PRMT7: variants seen among roughly 807,000 people sequenced by gnomAD.
The protein encoded by PRMT7 is protein arginine methyltransferase 7.
A neutral mutation model predicts 85.4 loss-of-function variants in PRMT7; 75 were observed. The ratio of observed to expected loss-of-function variants is 0.88; its 90% CI spans 0.73 to 1.06. The LOEUF (loss-of-function observed/expected upper bound fraction) is 1.06, where lower values mean the gene tolerates loss of function less well. Among genes scored for constraint, PRMT7 ranks in the 50% least tolerant of loss-of-function variants. PRMT7 has a pLI of 0.00. For synonymous variants in PRMT7, 397 were observed against 359.5 expected (o/e 1.10, Z -1.18); for missense variants, 868 against 915.2 (o/e 0.95, Z 0.67).
chr16:68,356,327 C>T (rs952975858), intron 17 of PRMT7, among the ~76,000 whole-genome samples: 5 of 152,244 alleles, frequency 3.3e-5, no homozygotes, highest in African/African-American at 9.6e-5. Context: ...CCTCCCAACT[C>T]GGGGCAGGCA....
At chr16:68,352,084 A>T (rs1431181038) in intron 14 of PRMT7, 164 bp from the exon 15 acceptor site, 4 of 667,834 alleles carry the variant, frequency 6.0e-6, no homozygotes, top group East Asian at 5.7e-5. Flanking sequence ...GGAGGGACTG[A>T]TGAGGGAGGG....
intron 11 of PRMT7, 48 bp downstream of exon 11, chr16:68,346,328 G>C (rs772606638): frequency 6.2e-7 from 1 of 1,607,458 alleles, no homozygotes; most frequent in Non-Finnish European, 8.5e-7. Flanking sequence ...GGAGAAAGAA[G>C]TTTGTCCCAT....
At chr16:68,330,353 G>A (rs2083690576) in intron 6 of PRMT7, among the ~76,000 whole-genome samples, 2 of 152,086 alleles carry the variant, frequency 1.3e-5, no homozygotes, top group South Asian at 2.1e-4. Flanking sequence ...TGGAGATAGG[G>A]TCTTACTATG....
At chr16:68,353,397 G>T in intron 15 of PRMT7, 95 bp from the exon 16 acceptor site, 2 of 1,587,472 alleles carry the variant, frequency 1.3e-6, no homozygotes, top group Non-Finnish European at 8.5e-7. Context: ...TCTTTCAGGT[G>T]TGCAGGGAAC....
rs2085197591 is a variant in PRMT7 at position 68,339,486 on chromosome 16, C to T, written c.669C>T (p.Pro223=). The part of the protein sequence containing the change: ...PVDVESCPGA[P]SVCDIQLNQV... ...ACGTGGAGAGCTGCCCTGGCGCACC[C>T]TCTGTCTGTGACATTCAGCTGAACC... The change falls in exon 8 of 19, where the codon CCC becomes CCT. Residue 223 remains proline (P), a synonymous_variant. Coordinates refer to ENST00000441236, the MANE Select transcript of PRMT7 (RefSeq NM_019023.5). 3 of 1,614,072 alleles carry T rather than the reference C, an allele frequency of 1.9e-6. No individual in the cohort carries two copies. The South Asian group carries it at 3.3e-5, about 18-fold the overall frequency.
Position 68,329,057 on chromosome 16 carries a change from A to G in PRMT7, c.283-9A>G, listed in dbSNP as rs149363450. On this transcript the variant is annotated splice_polypyrimidine_tract_variant and intron_variant, in intron 5 of 18. Coordinates refer to ENST00000441236, the MANE Select transcript of PRMT7 (RefSeq NM_019023.5). ...TCATTTTTCCTTGGGTTTCGGCTCT[A>G]TTTTCTAGGTTTTCAAGCCTATGGC... 68 of 1,587,186 alleles carry G rather than the reference A, an allele frequency of 4.3e-5. No individual in the cohort carries two copies. The highest frequency in any genetic ancestry group is 5.3e-5 in the Non-Finnish European group (61 of 1,155,840).
intron 15 of PRMT7, 22 bp from the exon 16 acceptor site, chr16:68,353,470 C>T (rs1562479): frequency 0.54 from 873,704 of 1,609,200 alleles, 240,492 homozygotes; most frequent in East Asian, 0.8. Flanking sequence ...CGGGTGTGGA[C>T]GGGGCTGCTC....
intron 5 of PRMT7, among the ~76,000 whole-genome samples, chr16:68,327,579 C>T (rs1487549228): frequency 6.6e-6 from 1 of 152,076 alleles, no homozygotes; most frequent in Non-Finnish European, 1.5e-5. Flanking sequence ...GGAGGGCCTC[C>T]AAAGCAGTAG....
chr16:68,324,940 C>T (rs1233240480), intron 5 of PRMT7, 108 bp downstream of exon 5: 1 of 1,414,128 alleles, frequency 7.1e-7, no homozygotes, highest in Admixed American at 2.1e-5. Context: ...AGTGCTCACT[C>T]TGTGCCAAGC....
chr16:68,338,087 G>A (rs930104932), intron 7 of PRMT7, among the ~76,000 whole-genome samples: 63 of 152,276 alleles, frequency 4.1e-4, no homozygotes, highest in Admixed American at 2.6e-3. Context: ...AGAAGGTGGG[G>A]TGGCATCACA....
In PRMT7 at chr16:68,346,814, C is replaced by T. The variant is rs532761259; in HGVS notation, c.1192-397C>T. 4.3e-4 allele frequency among the ~76,000 whole-genome samples: 65 copies of T among 152,134 alleles called. 1 individual carries two copies. In the South Asian group the frequency reaches 0.013, roughly 30 times the overall value. ...GGAGGATCCAAGCCATCCTGAGTTT[C>T]TCTCAGAGGGGTCTGTCACCCAGAA... On this transcript the variant is annotated intron_variant, in intron 11 of 18. Transcript: ENST00000441236.
chr16:68,338,056 G>A (rs1268184188), intron 7 of PRMT7, among the ~76,000 whole-genome samples: 1 of 152,190 alleles, frequency 6.6e-6, no homozygotes, highest in African/African-American at 2.4e-5. Flanking sequence ...TGGGGGCCAT[G>A]CCCAGAGGGT....
Position 68,347,275 on chromosome 16 carries a change from A to G in PRMT7, c.1256A>G (p.His419Arg). The change falls in exon 12 of 19, where the codon CAT becomes CGT. Residue 419 changes from histidine (H) to arginine (R), a missense_variant. By Grantham distance (29) the His-to-Arg change is conservative (BLOSUM62 0). Transcript: ENST00000441236. ...GGCAGCCTGCTCTCCGTGCTGGCCC[A>G]TCACCTGGGGGTGGAGCAGGTACTG... ...SDGSLLSVLA[H>R]HLGVEQVFTV... 6.5e-7 allele frequency: 1 copy of G among 1,549,422 alleles called. No homozygotes were observed. Among genetic ancestry groups the G allele is most frequent in the Admixed American group, 2.0e-5 (1 of 50,904 alleles).
intron 16 of PRMT7, among the ~76,000 whole-genome samples, chr16:68,354,046 C>A (rs972695567): frequency 1.2e-4 from 19 of 152,148 alleles, no homozygotes; most frequent in Non-Finnish European, 2.5e-4. Context: ...AGTCGTGTTC[C>A]ATCCACATGA....
In PRMT7 at chr16:68,355,926, T is replaced by C. The variant is rs1404702916; in HGVS notation, c.1811+43T>C. 3 of 1,508,964 alleles carry C rather than the reference T, an allele frequency of 2.0e-6. No individual in the cohort carries two copies. In the South Asian group the frequency reaches 3.8e-5, roughly 19 times the overall value. The allele number at this position is 1,508,964 out of a possible 1,614,324, so 93.5% of individuals were successfully genotyped here. A position where few individuals can be genotyped will look rare whatever the true frequency, so the allele number is the denominator to read the frequency against. ...TGGGGGGCAGGGAGGGGCTGCTGCT[T>C]GCCCTTGGAGTTCTCACCCCCGTGG... is the stretch of plus-strand genomic sequence containing the variant. On this transcript the variant is annotated intron_variant, in intron 17 of 18. Transcript: ENST00000441236.
chr16:68,321,321 A>G, intron 3 of PRMT7, 105 bp from the exon 4 acceptor site: 2 of 866,690 alleles, frequency 2.3e-6, no homozygotes, highest in Non-Finnish European at 3.5e-6. Flanking sequence ...AGTTTAAAAT[A>G]GATGACACGT....
intron 6 of PRMT7, among the ~76,000 whole-genome samples, chr16:68,332,800 G>T (rs1202272343): frequency 6.6e-6 from 1 of 152,118 alleles, no homozygotes; most frequent in African/African-American, 2.4e-5. Context: ...GTCTGGAAAG[G>T]GTCTCCTGGC....
chr16:68,353,903 G>A (rs933878627), intron 16 of PRMT7, among the ~76,000 whole-genome samples: 2 of 152,212 alleles, frequency 1.3e-5, no homozygotes, highest in African/African-American at 2.4e-5. Flanking sequence ...CTCCATTCCC[G>A]GGAGGGGTAC....
intron 7 of PRMT7, among the ~76,000 whole-genome samples, 156 bp from the exon 8 acceptor site, chr16:68,339,166 A>G (rs1353366501): frequency 6.6e-6 from 1 of 152,144 alleles, no homozygotes; most frequent in Non-Finnish European, 1.5e-5. Flanking sequence ...TTCCAAGGGC[A>G]TAGGGCTGAA....
Sources: gnomAD v4.1 joint callset for allele counts (sites outside exome capture counted in the v4.1 genomes callset) on GRCh38, gnomAD v4.1.1 for gene constraint, MANE v1.5 for transcripts, NCBI Gene and HGNC (gene_info 2026-07-23, HGNC 2026-07-21) for gene names.